Variants in CNBD1 observed in about 807,000 individuals in gnomAD.
CNBD1 encodes cyclic nucleotide binding domain containing 1, also known as cyclic nucleotide-binding domain-containing protein 1.
CNBD1 carries 71 observed loss-of-function variants against 54.4 expected under a neutral mutation model. That is an observed-to-expected ratio of 1.30 (90% CI 1.08 to 1.59). CNBD1 has a LOEUF of 1.59. Ranked by LOEUF, CNBD1 falls within the 40% of genes most tolerant of loss-of-function variation. The probability of loss-of-function intolerance (pLI) is 0.00; values close to 1 mark genes in which losing one functional copy is unlikely to be tolerated. For missense variants in CNBD1, 659 were observed against 518.0 expected (o/e 1.27, Z -2.64); for synonymous variants, 182 against 170.7 (o/e 1.07, Z -0.51).
At position 87,095,445 on chromosome 8, in the gene CNBD1, C is replaced by G. The variant is rs1811297481; in HGVS notation, c.432-110548C>G. ...TTTTTCTAATATTCCTTCACTCTGA[C>G]TAGATTAGATGTCTCTCTTCTCTCC... On this transcript the variant is annotated intron_variant, in intron 4 of 10. Coordinates refer to ENST00000518476, the MANE Select transcript of CNBD1 (RefSeq NM_173538.3). Among the ~76,000 whole-genome samples the G allele has an allele frequency of 2.6e-5, 4 of 152,168 alleles. No homozygotes were observed. The South Asian group carries it at 8.3e-4, about 31-fold the overall frequency.
intron 5 of CNBD1, among the ~76,000 whole-genome samples, chr8:87,224,425 C>T (rs902327536): frequency 7.6e-4 from 115 of 151,406 alleles, no homozygotes; most frequent in African/African-American, 1.4e-3. Flanking sequence ...TTGTATAAGG[C>T]GTAAGGAAGG....
chr8:87,039,943 AC>A (rs1397520874), intron 4 of CNBD1, among the ~76,000 whole-genome samples: 1 of 152,154 alleles, frequency 6.6e-6, no homozygotes, highest in Non-Finnish European at 1.5e-5. Flanking sequence ...GTGGGGAGCC[AC>A]AAGACCAGAT....
chr8:87,100,690 G>A (rs1811412431), intron 4 of CNBD1, among the ~76,000 whole-genome samples: 1 of 152,056 alleles, frequency 6.6e-6, no homozygotes, highest in Non-Finnish European at 1.5e-5. Flanking sequence ...CTTGATGCTG[G>A]TCTTGAATTC....
chr8:86,892,346 C>G (rs778458807), intron 2 of CNBD1, among the ~76,000 whole-genome samples: 16 of 152,060 alleles, frequency 1.1e-4, no homozygotes, highest in Middle Eastern at 3.4e-3. Context: ...AGCCCAAAGT[C>G]CATTTATAAA....
Position 87,353,634 on chromosome 8 carries a change from A to C in CNBD1, c.1153-2A>C. ...AACATCAATAATATATTTTTTTAAC[A>C]GAAAAGATCTCAAAAACTTGTTTAT... is the stretch of plus-strand genomic sequence containing the variant. On this transcript the variant is annotated splice_acceptor_variant, in intron 9 of 10. Transcript: ENST00000518476. LOFTEE classifies it high-confidence loss of function. The C allele has an allele frequency of 6.4e-7, 1 of 1,558,152 alleles. No individual in the cohort carries two copies. The highest frequency in any genetic ancestry group is 1.2e-5 in the South Asian group (1 of 83,440).
intron 1 of CNBD1, among the ~76,000 whole-genome samples, chr8:86,884,119 T>C (rs1197876981): frequency 1.3e-5 from 2 of 149,798 alleles, no homozygotes; most frequent in African/African-American, 2.5e-5. Flanking sequence ...GCCACTGCAC[T>C]CCAGCCTGGG....
Position 87,206,075 on chromosome 8 carries a change from G to A in CNBD1, c.514G>A (p.Asp172Asn), listed in dbSNP as rs745548588. 1.9e-6 allele frequency: 3 copies of A among 1,606,172 alleles called. No homozygotes were observed. The highest frequency in any genetic ancestry group is 2.2e-5 in the South Asian group (2 of 90,236). Reference protein sequence around the residue: ...TIPDLTFQLNDKHLKTLSKTV... With the variant: ...TIPDLTFQLNNKHLKTLSKTV... ...TCCAGATTTAACCTTTCAGCTAAAT[G>A]ATAAGCATCTGAAAACACTTAGTAA... is the stretch of plus-strand genomic sequence containing the variant. Residue 172 changes from aspartate to asparagine, a missense_variant, in exon 5 of 11, where the codon GAT (aspartate) becomes AAT (asparagine). Coordinates refer to ENST00000518476, the MANE Select transcript of CNBD1 (RefSeq NM_173538.3).
chr8:86,993,726 T>C (rs946260925), intron 4 of CNBD1, among the ~76,000 whole-genome samples: 1 of 152,204 alleles, frequency 6.6e-6, no homozygotes, highest in African/African-American at 2.4e-5. Context: ...ATTAAAAGAA[T>C]ATTTTTGGTG....
intron 4 of CNBD1, among the ~76,000 whole-genome samples, chr8:87,028,049 A>C (rs900019733): frequency 6.6e-6 from 1 of 151,882 alleles, no homozygotes; most frequent in African/African-American, 2.4e-5. Context: ...ACACACACAC[A>C]ACACACAACA....
chr8:87,349,666 C>T (rs1286787481), intron 8 of CNBD1, among the ~76,000 whole-genome samples: 2 of 152,254 alleles, frequency 1.3e-5, no homozygotes. Context: ...TGAGCCACCG[C>T]GCCTGACCAG....
intron 4 of CNBD1, among the ~76,000 whole-genome samples, chr8:87,151,310 A>G (rs986177246): frequency 2.0e-5 from 3 of 152,224 alleles, no homozygotes; most frequent in Admixed American, 6.5e-5. Context: ...ATACTGTTCT[A>G]AGCACTAGGG....
intron 5 of CNBD1, among the ~76,000 whole-genome samples, chr8:87,224,007 T>C (rs1347691957): frequency 6.6e-6 from 1 of 152,088 alleles, no homozygotes; most frequent in Non-Finnish European, 1.5e-5. Flanking sequence ...GGTGAGCATT[T>C]TTTCATGTGT....
chr8:87,307,167 G>A (rs62528139), intron 8 of CNBD1, among the ~76,000 whole-genome samples: 6,665 of 152,060 alleles, frequency 0.044, 191 homozygotes, highest in Non-Finnish European at 0.06. Flanking sequence ...AAGCCCTCTC[G>A]AACATAAAAT....
intron 4 of CNBD1, among the ~76,000 whole-genome samples, chr8:86,985,272 G>T (rs77382868): frequency 0.039 from 5,863 of 152,156 alleles, 130 homozygotes; most frequent in Non-Finnish European, 0.045. Flanking sequence ...CCGGTCTTGG[G>T]TATGTCTTTG....
At chr8:87,407,035 T>C (rs1486278570) in intron 2 of CNBD1, among the ~76,000 whole-genome samples, 1 of 152,116 alleles carries the variant, frequency 6.6e-6, no homozygotes, top group Non-Finnish European at 1.5e-5. Flanking sequence ...GGCTATCATA[T>C]ATACATACAT....
intron 9 of CNBD1, among the ~76,000 whole-genome samples, chr8:87,352,362 C>T (rs1810317464): frequency 6.6e-6 from 1 of 151,512 alleles, no homozygotes; most frequent in Admixed American, 6.6e-5. Context: ...CACCTGTAGT[C>T]CCAGGTACTC....
At chr8:86,996,955 T>C (rs1808887978) in intron 4 of CNBD1, among the ~76,000 whole-genome samples, 5 of 152,152 alleles carry the variant, frequency 3.3e-5, no homozygotes, top group Admixed American at 6.6e-5. Context: ...AGGCAAGACA[T>C]TTCTTCTGTA....
At chr8:87,247,583 G>A (rs1377999956) in intron 6 of CNBD1, among the ~76,000 whole-genome samples, 3 of 152,012 alleles carry the variant, frequency 2.0e-5, no homozygotes, top group Middle Eastern at 3.4e-3. Context: ...CAAGTTTTGC[G>A]ATCCATTCTG....
chr8:87,215,891 C>G (rs373567608), intron 5 of CNBD1, among the ~76,000 whole-genome samples: 2 of 152,170 alleles, frequency 1.3e-5, no homozygotes, highest in African/African-American at 4.8e-5. Flanking sequence ...AGCAATCACT[C>G]ACCATTCCCC....
Sources: allele counts gnomAD v4.1 joint callset (sites outside exome capture counted in the v4.1 genomes callset), GRCh38; gene constraint gnomAD v4.1.1; transcripts MANE v1.5; gene names NCBI Gene and HGNC (gene_info 2026-07-23, HGNC 2026-07-21).